PRR16: variants seen among roughly 807,000 people sequenced by gnomAD.
PRR16 encodes the protein protein Largen.
A neutral mutation model predicts 18.2 loss-of-function variants in PRR16; 6 were observed. That is an observed-to-expected ratio of 0.33 (90% CI 0.18 to 0.65). The LOEUF is 0.65. Among genes scored for constraint, PRR16 ranks in the 30% least tolerant of loss-of-function variants. PRR16 has a pLI of 0.74. For missense variants in PRR16, 412 were observed against 376.6 expected (o/e 1.09, Z -0.78); for synonymous variants, 151 against 147.8 (o/e 1.02, Z -0.16).
the PRR16 span, among the ~76,000 whole-genome samples, chr5:120,695,277 CAG>C: frequency 6.6e-6 from 1 of 151,946 alleles, no homozygotes; most frequent in Non-Finnish European, 1.5e-5. Context: ...CTGTATAAAA[CAG>C]ATTTTTTTTC....
the PRR16 span, among the ~76,000 whole-genome samples, chr5:120,704,248 C>T: frequency 6.6e-6 from 1 of 152,134 alleles, no homozygotes; most frequent in Non-Finnish European, 1.5e-5. Context: ...AAGCTGAGTT[C>T]CCAACCAATC....
At chr5:120,775,424 C>A in the PRR16 span, among the ~76,000 whole-genome samples, 3 of 151,952 alleles carry the variant, frequency 2.0e-5, no homozygotes, top group Non-Finnish European at 2.9e-5. Flanking sequence ...CATTCTACAC[C>A]CTAAATAATA....
intron 1 of PRR16, among the ~76,000 whole-genome samples, chr5:120,548,982 C>CACAT (rs1752164349): frequency 6.6e-6 from 1 of 151,444 alleles, no homozygotes; most frequent in African/African-American, 2.4e-5. Context: ...CACACACACA[C>CACAT]ACATGCACAC....
the PRR16 span, among the ~76,000 whole-genome samples, chr5:120,786,214 A>G: frequency 6.6e-6 from 1 of 151,626 alleles, no homozygotes; most frequent in Non-Finnish European, 1.5e-5. Flanking sequence ...CTTAATGTGA[A>G]TAGAGGGATA....
intron 1 of PRR16, among the ~76,000 whole-genome samples, chr5:120,486,834 G>A (rs558751878): frequency 0.011 from 1,666 of 152,276 alleles, 10 homozygotes; most frequent in East Asian, 0.033. Flanking sequence ...TAAGGTGTAA[G>A]GAAGGGATCC....
the PRR16 span, among the ~76,000 whole-genome samples, chr5:120,766,361 T>A: frequency 6.6e-6 from 1 of 151,994 alleles, no homozygotes; most frequent in African/African-American, 2.4e-5. Context: ...AAGTTAAGCA[T>A]TAAGAAAACA....
chr5:120,531,809 TATATGTAA>T (rs1271029430), intron 1 of PRR16, among the ~76,000 whole-genome samples: 3 of 152,116 alleles, frequency 2.0e-5, no homozygotes, highest in Admixed American at 6.6e-5. Context: ...ATTTGTACAA[TATATGTAA>T]ATATGTAAAT....
the PRR16 span, among the ~76,000 whole-genome samples, chr5:120,733,536 G>A: frequency 1.3e-5 from 2 of 152,080 alleles, no homozygotes; most frequent in Non-Finnish European, 2.9e-5. Flanking sequence ...CCCTATTTGT[G>A]CAAAATTTCT....
chr5:120,652,612 C>A (rs896574495), intron 1 of PRR16, among the ~76,000 whole-genome samples: 5 of 151,978 alleles, frequency 3.3e-5, no homozygotes, highest in South Asian at 4.1e-4. Context: ...CAAACCCCAA[C>A]TGAATGACAT....
the PRR16 span, among the ~76,000 whole-genome samples, chr5:120,704,993 A>G: frequency 2.0e-5 from 3 of 152,088 alleles, no homozygotes; most frequent in Admixed American, 6.6e-5. Context: ...TCCATTTAAG[A>G]TTAGTTTAGA....
chr5:120,618,637 G>C, intron 1 of PRR16: 2 of 762,570 alleles, frequency 2.6e-6, no homozygotes, highest in Non-Finnish European at 3.2e-6. Context: ...AAAATAAATT[G>C]TTGATTATCT....
At chr5:120,601,028 G>T (rs1289260157) in intron 1 of PRR16, among the ~76,000 whole-genome samples, 1 of 151,900 alleles carries the variant, frequency 6.6e-6, no homozygotes, top group Admixed American at 6.6e-5. Context: ...GAGCTGCAAT[G>T]AATATACAAC....
intron 1 of PRR16, among the ~76,000 whole-genome samples, chr5:120,612,965 A>G (rs747189771): frequency 1.1e-4 from 16 of 152,172 alleles, no homozygotes; most frequent in Non-Finnish European, 2.2e-4. Context: ...TGCTAATGTG[A>G]TGGATTAATA....
chr5:120,610,085 G>A (rs1754285922), intron 1 of PRR16, among the ~76,000 whole-genome samples: 1 of 152,104 alleles, frequency 6.6e-6, no homozygotes, highest in Non-Finnish European at 1.5e-5. Flanking sequence ...TGAAGAGGCA[G>A]GTGCAAAAGC....
At chr5:120,492,691 T>C (rs1360771740) in intron 1 of PRR16, among the ~76,000 whole-genome samples, 1 of 152,132 alleles carries the variant, frequency 6.6e-6, no homozygotes, top group Non-Finnish European at 1.5e-5. Context: ...CCGTACCCAA[T>C]GTAGTCTTTT....
intron 1 of PRR16, among the ~76,000 whole-genome samples, chr5:120,633,701 A>G (rs372539450): frequency 6.6e-6 from 1 of 151,678 alleles, no homozygotes; most frequent in East Asian, 2.0e-4. Flanking sequence ...TGCACCTAAA[A>G]CTGGAGGTCC....
At chr5:120,477,539 CTTTA>C (rs1749482164) in intron 1 of PRR16, among the ~76,000 whole-genome samples, 2 of 152,304 alleles carry the variant, frequency 1.3e-5, no homozygotes, top group South Asian at 4.1e-4. Flanking sequence ...CCAAGCCACA[CTTTA>C]TTTCTCACTT....
intron 1 of PRR16, among the ~76,000 whole-genome samples, chr5:120,530,440 TTTTG>T (rs1388221822): frequency 6.6e-6 from 1 of 151,580 alleles, no homozygotes; most frequent in Non-Finnish European, 1.5e-5. Context: ...TCTCCTCTCT[TTTTG>T]TTTGTTCATC....
At chr5:120,531,041 C>T (rs940871765) in intron 1 of PRR16, among the ~76,000 whole-genome samples, 11 of 152,172 alleles carry the variant, frequency 7.2e-5, no homozygotes, top group African/African-American at 2.7e-4. Flanking sequence ...CTGGCAGCCT[C>T]TTCTTTCTGC....
Sources: allele counts gnomAD v4.1 joint callset (sites outside exome capture counted in the v4.1 genomes callset), GRCh38; gene constraint gnomAD v4.1.1; transcripts MANE v1.5; gene names NCBI Gene and HGNC (gene_info 2026-07-23, HGNC 2026-07-21).